The following RPGR variants were observed in gnomAD, a reference collection of about 807,000 sequenced individuals.
The protein encoded by RPGR is retinitis pigmentosa GTPase regulator.
RPGR carries 10 observed loss-of-function variants against 56.3 expected under a neutral mutation model. That is an observed-to-expected ratio of 0.18 (90% CI 0.11 to 0.30). The LOEUF (loss-of-function observed/expected upper bound fraction) is 0.30, where lower values mean the gene tolerates loss of function less well. RPGR is among the 10% of genes least tolerant of loss of function. The pLI is 1.00. For synonymous variants in RPGR, 197 were observed against 212.9 expected (o/e 0.93, Z 0.65); for missense variants, 538 against 590.9 (o/e 0.91, Z 0.93).
intron 1 of RPGR, among the ~76,000 whole-genome samples, chrX:38,325,358 C>T (rs2068031534): frequency 9.0e-6 from 1 of 111,286 alleles, no homozygotes; most frequent in Non-Finnish European, 1.9e-5. Flanking sequence ...GTCCCCCTTA[C>T]ACACATGTAT....
chrX:38,323,945 A>G (rs1286861476), intron 1 of RPGR, among the ~76,000 whole-genome samples: 3 of 112,014 alleles, frequency 2.7e-5, no homozygotes, highest in Non-Finnish European at 3.8e-5. Flanking sequence ...ACAGGACAGT[A>G]TTTCGTTTCC....
At chrX:38,282,039 G>A (rs1334288261) in intron 15 of RPGR, among the ~76,000 whole-genome samples, 1 of 111,291 alleles carries the variant, frequency 9.0e-6, no homozygotes, top group Non-Finnish European at 1.9e-5. Context: ...CTTTTCCCCA[G>A]AAAACCAAAG....
At chrX:38,307,774 T>C (rs2067630564) in intron 7 of RPGR, among the ~76,000 whole-genome samples, 2 of 112,136 alleles carry the variant, frequency 1.8e-5, no homozygotes, top group Admixed American at 9.5e-5. Context: ...CACAGGTCCA[T>C]GGAGAAATGT....
intron 9 of RPGR, 52 bp from the exon 10 acceptor site, chrX:38,299,193 T>C (rs2067454165): frequency 1.7e-5 from 19 of 1,145,453 alleles, no homozygotes; most frequent in Non-Finnish European, 1.9e-5. Context: ...CAAACACAAA[T>C]GAGTTTTTAA....
At chrX:38,315,830 T>TAGAGAG (rs2067813545) in intron 6 of RPGR, among the ~76,000 whole-genome samples, 1 of 89,227 alleles carries the variant, frequency 1.1e-5, no homozygotes, top group African/African-American at 5.0e-5. Flanking sequence ...CATATATATA[T>TAGAGAG]ATATATATAG....
At chrX:38,319,060 C>T (rs1358461519) in intron 4 of RPGR, 73 bp from the exon 5 acceptor site, 10 of 1,048,085 alleles carry the variant, frequency 9.5e-6, no homozygotes, top group Middle Eastern at 3.1e-4. Flanking sequence ...TGTATAGCAG[C>T]GATTTCCTCT....
At chrX:38,309,113 T>C (rs1422633673) in intron 7 of RPGR, among the ~76,000 whole-genome samples, 2 of 111,916 alleles carry the variant, frequency 1.8e-5, no homozygotes. Context: ...AAATCTAATG[T>C]TGAAAAAATT....
In RPGR at chrX:38,269,517, G is replaced by T; in HGVS notation, c.*109C>A. ...ATAGAAGCTGAATAAAACATATTAA[G>T]TCTTATATCTTTTAAAGACTACTAT... On this transcript the variant is annotated 3_prime_UTR_variant, in exon 19 of 19. Coordinates refer to ENST00000642395, the MANE Select transcript of RPGR (RefSeq NM_000328.3). 2 of 541,878 alleles carry T rather than the reference G, an allele frequency of 3.7e-6. No individual in the cohort carries two copies. The highest frequency in any genetic ancestry group is 2.9e-5 in the South Asian group (1 of 33,986). The allele number at this position is 541,878 out of a possible 1,213,427, so 44.7% of individuals were successfully genotyped here.
intron 9 of RPGR, 127 bp downstream of exon 9, chrX:38,301,120 G>A (rs2067493215): frequency 1.7e-6 from 1 of 585,591 alleles, no homozygotes; most frequent in East Asian, 3.8e-5. Flanking sequence ...TAGGAAACAA[G>A]TATATTTATT....
intron 14 of RPGR, 30 bp from the exon 15 acceptor site, chrX:38,287,275 T>A (rs2067204288): frequency 8.3e-7 from 1 of 1,205,036 alleles, no homozygotes; most frequent in Non-Finnish European, 1.1e-6. Flanking sequence ...AAAATCATAC[T>A]TTGCCATGGA....
intron 16 of RPGR, among the ~76,000 whole-genome samples, chrX:38,275,784 A>G (rs1032255307): frequency 9.5e-6 from 1 of 105,580 alleles, no homozygotes; most frequent in African/African-American, 3.8e-5. Flanking sequence ...ATACATTTAC[A>G]TGAGAAGAGC....
At chrX:38,310,919 C>T in intron 6 of RPGR, 146 bp from the exon 7 acceptor site, 1 of 501,556 alleles carries the variant, frequency 2.0e-6, no homozygotes, top group Non-Finnish European at 3.3e-6. Flanking sequence ...AGAAATAAAG[C>T]TAGATTTTCT....
intron 4 of RPGR, among the ~76,000 whole-genome samples, chrX:38,320,044 A>T (rs993319107): frequency 3.9e-4 from 44 of 112,372 alleles, no homozygotes; most frequent in African/African-American, 1.4e-3. Flanking sequence ...TTTCACACAC[A>T]TGGAGCAAAC....
At chrX:38,315,822 T>C (rs1431433694) in intron 6 of RPGR, among the ~76,000 whole-genome samples, 2 of 87,394 alleles carry the variant, frequency 2.3e-5, no homozygotes, top group Non-Finnish European at 4.3e-5. Context: ...TATATATACA[T>C]ATATATATAT....
rs369480991 is a variant in RPGR at position 38,279,716 on chromosome X, C to A, written c.1906-2944G>T. On this transcript the variant is annotated intron_variant, in intron 15 of 18. Coordinates refer to ENST00000642395, the MANE Select transcript of RPGR (RefSeq NM_000328.3). ...CATGTATGAGATAGGCACTTTTGTC[C>A]GTGGGTATTATAGTTTTTTAAAAGT... Among the ~76,000 whole-genome samples the A allele has an allele frequency of 8.3e-5, 7 of 84,822 alleles. No individual in the cohort carries two copies. The East Asian group carries it at 1.4e-3, about 17-fold the overall frequency. The allele number at this position is 84,822 out of a possible 115,157, so 73.7% of individuals were successfully genotyped here. A position where few individuals can be genotyped will look rare whatever the true frequency, so the allele number is the denominator to read the frequency against.
At chrX:38,294,779 A>G (rs1265295659) in intron 11 of RPGR, among the ~76,000 whole-genome samples, 1 of 112,549 alleles carries the variant, frequency 8.9e-6, no homozygotes, top group Non-Finnish European at 1.9e-5. Context: ...TGGTGCATTA[A>G]TAAGTTTAGC....
rs1346093524 is a variant in RPGR at position 38,287,966 on chromosome X, T to C, written c.1648A>G (p.Met550Val). The C allele has an allele frequency of 8.3e-7, 1 of 1,207,728 alleles. No homozygotes were observed. Among genetic ancestry groups the C allele is most frequent in the Non-Finnish European group, 1.1e-6 (1 of 893,400 alleles). The change falls in exon 14 of 19, where the codon ATG (methionine) becomes GTG (valine). Residue 550 changes from methionine (M) to valine (V), a missense_variant. Coordinates refer to ENST00000642395, the MANE Select transcript of RPGR (RefSeq NM_000328.3). Reference sequence around the variant, plus strand: ...GCTTTCCCTTCTTTCATTTCTGACATTTCTTCATATTCATCACTATCATCG... The same window carrying C: ...GCTTTCCCTTCTTTCATTTCTGACACTTCTTCATATTCATCACTATCATCG...
rs111259834 is a variant in RPGR, at chrX:38,306,186, T to C, written c.779-1396A>G. Among the ~76,000 whole-genome samples the C allele has an allele frequency of 9.6e-4, 107 of 111,760 alleles. 1 individual carries two copies. The highest frequency in any genetic ancestry group is 3.3e-3 in the African/African-American group (103 of 30,782). On this transcript the variant is annotated intron_variant, in intron 7 of 18. Coordinates refer to ENST00000642395, the MANE Select transcript of RPGR (RefSeq NM_000328.3). Reference sequence around the variant, plus strand: ...AGTTTAGTACATTGAGTTTCTCCTATTACAGCAGGAAGGGCAAGAGCTTGT... The same window carrying C: ...AGTTTAGTACATTGAGTTTCTCCTACTACAGCAGGAAGGGCAAGAGCTTGT...
intron 13 of RPGR, among the ~76,000 whole-genome samples, chrX:38,289,853 T>C (rs1204341701): frequency 8.9e-6 from 1 of 112,142 alleles, no homozygotes; most frequent in Non-Finnish European, 1.9e-5. Flanking sequence ...TTGCCAGAAC[T>C]GATTTCTAAA....
Sources: allele counts gnomAD v4.1 joint callset (sites outside exome capture counted in the v4.1 genomes callset), GRCh38; gene constraint gnomAD v4.1.1; transcripts MANE v1.5; gene names NCBI Gene and HGNC (gene_info 2026-07-23, HGNC 2026-07-21).